Variants in SPAST observed in about 807,000 individuals in gnomAD.
SPAST encodes spastin, also known as spastic paraplegia 4 (autosomal dominant; spastin).
Under a neutral mutation model 76.6 loss-of-function variants are expected in SPAST, and 30 were observed. The observed-to-expected ratio is 0.39, with a 90% CI of 0.29 to 0.53. The LOEUF (loss-of-function observed/expected upper bound fraction) is 0.53, where lower values mean the gene tolerates loss of function less well. Ranked by LOEUF, SPAST falls within the 20% of genes least tolerant of loss-of-function variation. SPAST has a pLI of 0.68. For missense variants in SPAST, 717 were observed against 770.5 expected, an observed-to-expected ratio of 0.93 and a Z score of 0.82; for synonymous variants, 305 against 281.0, an observed-to-expected ratio of 1.09 and a Z score of -0.86.
intron 7 of SPAST, among the ~76,000 whole-genome samples, chr2:32,119,895 C>CTT (rs1379569699): frequency 6.6e-6 from 1 of 151,996 alleles, no homozygotes; most frequent in Non-Finnish European, 1.5e-5. Context: ...TCATTTCGAG[C>CTT]TTTTATATTT....
chr2:32,121,080 G>C (rs1220253400), intron 7 of SPAST, among the ~76,000 whole-genome samples: 1 of 152,044 alleles, frequency 6.6e-6, no homozygotes, highest in Non-Finnish European at 1.5e-5. Context: ...CTTATCTTCT[G>C]ATATTTTATA....
At chr2:32,075,035 A>G (rs1350613817) in intron 1 of SPAST, among the ~76,000 whole-genome samples, 1 of 152,182 alleles carries the variant, frequency 6.6e-6, no homozygotes, top group African/African-American at 2.4e-5. Flanking sequence ...AGGTTATGTT[A>G]GAACATTGTT....
chr2:32,071,142 T>G (rs926061547), intron 1 of SPAST, among the ~76,000 whole-genome samples: 6 of 152,128 alleles, frequency 3.9e-5, no homozygotes, highest in East Asian at 1.9e-4. Flanking sequence ...AAGCCGGAAA[T>G]CTCCTGGGTA....
chr2:32,153,535 C>G (rs2280973), intron 16 of SPAST, among the ~76,000 whole-genome samples: 1 of 151,132 alleles, frequency 6.6e-6, no homozygotes, highest in Non-Finnish European at 1.5e-5. Context: ...AGGCTGGTCT[C>G]GAACTGCTGA....
intron 13 of SPAST, among the ~76,000 whole-genome samples, 170 bp from the exon 14 acceptor site, chr2:32,143,166 G>A (rs1389699277): frequency 6.6e-6 from 1 of 152,088 alleles, no homozygotes; most frequent in East Asian, 1.9e-4. Flanking sequence ...TACTCGGGAG[G>A]CTGAGATGGG....
At position 32,156,427 on chromosome 2, in the gene SPAST, T is replaced by A. The variant is rs1680254078; in HGVS notation, c.*1931T>A. 6.6e-6 allele frequency: 1 copy of A among 152,114 alleles called. No individual in the cohort carries two copies. The highest frequency in any genetic ancestry group is 2.4e-5 in the African/African-American group (1 of 41,420). 9.4% of individuals were successfully genotyped at this position (152,114 alleles called of 1,614,324 possible). ...AATCATGACTTTGGAACTCCCTGAATAATAAAAATGAGAGTTGAGATAAAT... is the reference window on the plus strand; with the variant it reads ...AATCATGACTTTGGAACTCCCTGAAAAATAAAAATGAGAGTTGAGATAAAT... On this transcript the variant is annotated 3_prime_UTR_variant, in exon 17 of 17. Coordinates refer to ENST00000315285, the MANE Select transcript of SPAST (RefSeq NM_014946.4).
chr2:32,075,482 A>G (rs1433560285), intron 1 of SPAST, among the ~76,000 whole-genome samples: 1 of 146,052 alleles, frequency 6.8e-6, no homozygotes, highest in Non-Finnish European at 1.5e-5. Flanking sequence ...TGTGATGACA[A>G]AAAAAAAAAA....
intron 16 of SPAST, among the ~76,000 whole-genome samples, chr2:32,150,189 C>T (rs1377966115): frequency 6.7e-6 from 1 of 148,862 alleles, no homozygotes. Flanking sequence ...TCTCCTGCCT[C>T]AGCCTCCCGA....
At chr2:32,108,416 C>A (rs1244055230) in intron 4 of SPAST, among the ~76,000 whole-genome samples, 1 of 152,182 alleles carries the variant, frequency 6.6e-6, no homozygotes, top group Middle Eastern at 3.4e-3. Flanking sequence ...GCTATTTTTT[C>A]TCTTACTTTC....
At chr2:32,080,179 A>T (rs1375253863) in intron 1 of SPAST, among the ~76,000 whole-genome samples, 2 of 152,176 alleles carry the variant, frequency 1.3e-5, no homozygotes, top group African/African-American at 4.8e-5. Context: ...ATGACTTATG[A>T]TGCTCAGCAT....
intron 1 of SPAST, among the ~76,000 whole-genome samples, chr2:32,069,368 G>C (rs886721145): frequency 6.6e-6 from 1 of 151,972 alleles, no homozygotes; most frequent in South Asian, 2.1e-4. Context: ...GGCTGTCCTT[G>C]ACAACACAAA....
intron 1 of SPAST, among the ~76,000 whole-genome samples, chr2:32,081,752 C>G (rs1677230465): frequency 7.7e-6 from 1 of 129,896 alleles, no homozygotes; most frequent in South Asian, 2.7e-4. Context: ...CCATTTCACT[C>G]CAGCCTGGGC....
intron 4 of SPAST, among the ~76,000 whole-genome samples, chr2:32,104,212 T>TC (rs1678231572): frequency 6.6e-6 from 1 of 152,250 alleles, no homozygotes; most frequent in African/African-American, 2.4e-5. Context: ...TATGATGGCC[T>TC]TCTTTGTCTC....
chr2:32,112,536 C>G (rs1429209494), intron 4 of SPAST, among the ~76,000 whole-genome samples: 2 of 151,962 alleles, frequency 1.3e-5, no homozygotes, highest in Non-Finnish European at 2.9e-5. Flanking sequence ...TTAGTAGAGA[C>G]GGGGTTTCAC....
intron 1 of SPAST, among the ~76,000 whole-genome samples, chr2:32,080,881 G>A (rs1023346792): frequency 1.6e-5 from 2 of 123,222 alleles, no homozygotes; most frequent in African/African-American, 3.1e-5. Context: ...TGCAACCTCC[G>A]CCTCCTGGCT....
intron 3 of SPAST, among the ~76,000 whole-genome samples, chr2:32,092,275 A>G (rs1450759464): frequency 1.3e-5 from 2 of 152,190 alleles, no homozygotes; most frequent in Non-Finnish European, 2.9e-5. Flanking sequence ...TTACTGTGTC[A>G]GATATAATTA....
intron 3 of SPAST, among the ~76,000 whole-genome samples, chr2:32,093,354 C>A (rs944658494): frequency 6.7e-6 from 1 of 148,582 alleles, no homozygotes; most frequent in African/African-American, 2.5e-5. Flanking sequence ...TGGTGGCGGG[C>A]ACCTCTAATC....
At chr2:32,065,931 C>G (rs1239227000) in intron 1 of SPAST, 1 of 150,414 alleles carries the variant, frequency 6.6e-6, no homozygotes, top group Non-Finnish European at 1.5e-5. Context: ...TTTAAGAATA[C>G]TATGTGTTTG....
At chr2:32,078,639 G>C (rs1018976560) in intron 1 of SPAST, among the ~76,000 whole-genome samples, 1 of 152,112 alleles carries the variant, frequency 6.6e-6, no homozygotes, top group Non-Finnish European at 1.5e-5. Flanking sequence ...GACAGAGTGA[G>C]ACCCTGTCTC....
Sources: allele counts gnomAD v4.1 joint callset (sites outside exome capture counted in the v4.1 genomes callset), GRCh38; gene constraint gnomAD v4.1.1; transcripts MANE v1.5; gene names NCBI Gene and HGNC (gene_info 2026-07-23, HGNC 2026-07-21).